SORCS1: variants seen among roughly 807,000 people sequenced by gnomAD.
The protein encoded by SORCS1 is sortilin related VPS10 domain containing receptor 1, also known as VPS10 domain-containing receptor SorCS1.
In SORCS1, 60 loss-of-function variants were observed where a neutral mutation model predicts 146.1. That is an observed-to-expected ratio of 0.41 (90% CI 0.33 to 0.51). The LOEUF (loss-of-function observed/expected upper bound fraction) is 0.51. Among genes scored for constraint, SORCS1 ranks in the 20% least tolerant of loss-of-function variants. The probability of loss-of-function intolerance (pLI) is 0.21; values close to 1 mark genes in which losing one functional copy is unlikely to be tolerated. For synonymous variants in SORCS1, 637 were observed against 584.0 expected, an observed-to-expected ratio of 1.09 and a Z score of -1.31; for missense variants, 1,352 against 1,487.6, an observed-to-expected ratio of 0.91 and a Z score of 1.50.
At chr10:107,143,126 C>A (rs955717979) in intron 1 of SORCS1, among the ~76,000 whole-genome samples, 9 of 152,172 alleles carry the variant, frequency 5.9e-5, no homozygotes, top group African/African-American at 2.2e-4. Flanking sequence ...CATCGGTATC[C>A]ATGGTCAGGC....
At chr10:107,013,178 G>A (rs919554660) in intron 1 of SORCS1, among the ~76,000 whole-genome samples, 2 of 152,158 alleles carry the variant, frequency 1.3e-5, no homozygotes, top group African/African-American at 4.8e-5. Flanking sequence ...CTTTTGGCAG[G>A]CTCCCTTCAC....
intron 1 of SORCS1, among the ~76,000 whole-genome samples, chr10:107,095,260 A>G (rs1018998053): frequency 6.6e-6 from 1 of 152,250 alleles, no homozygotes; most frequent in Non-Finnish European, 1.5e-5. Flanking sequence ...AACACAGACA[A>G]GGAAACAGAA....
At chr10:106,926,068 A>G (rs1484089168) in intron 2 of SORCS1, among the ~76,000 whole-genome samples, 1 of 152,264 alleles carries the variant, frequency 6.6e-6, no homozygotes, top group African/African-American at 2.4e-5. Context: ...TATATCAAAT[A>G]TTATCCATCA....
intron 14 of SORCS1, among the ~76,000 whole-genome samples, 199 bp from the exon 15 acceptor site, chr10:106,673,184 C>T (rs560314265): frequency 6.1e-5 from 9 of 148,616 alleles, no homozygotes; most frequent in South Asian, 2.1e-4. Flanking sequence ...CAGGCTGGAG[C>T]GCAGTGGTGC....
intron 2 of SORCS1, among the ~76,000 whole-genome samples, chr10:106,916,980 T>A (rs1952475327): frequency 6.6e-6 from 1 of 152,164 alleles, no homozygotes; most frequent in Non-Finnish European, 1.5e-5. Context: ...TGACCTCAGA[T>A]AATCTGCCCG....
At chr10:106,844,120 G>C (rs1949197465) in intron 2 of SORCS1, among the ~76,000 whole-genome samples, 1 of 152,160 alleles carries the variant, frequency 6.6e-6, no homozygotes, top group Admixed American at 6.5e-5. Flanking sequence ...GTTTTAACTT[G>C]CATTTCCCTG....
At chr10:106,999,730 A>T (rs1957141175) in intron 1 of SORCS1, among the ~76,000 whole-genome samples, 1 of 152,214 alleles carries the variant, frequency 6.6e-6, no homozygotes, top group Non-Finnish European at 1.5e-5. Context: ...CCTCCAGATT[A>T]TACCTCCTTA....
chr10:106,760,442 CAAA>C (rs34324078), intron 5 of SORCS1, among the ~76,000 whole-genome samples: 74 of 45,794 alleles, frequency 1.6e-3, no homozygotes, highest in South Asian at 3.2e-3. Context: ...GACTCCGTCT[CAAA>C]AAAAAAAAAA....
At chr10:106,928,462 C>T (rs1473471990) in intron 2 of SORCS1, among the ~76,000 whole-genome samples, 3 of 152,356 alleles carry the variant, frequency 2.0e-5, no homozygotes, top group Non-Finnish European at 2.9e-5. Context: ...CCCCGGTTTC[C>T]GCTCACGCCT....
In SORCS1 at chr10:106,800,598, T is replaced by C. The variant is rs543158012; in HGVS notation, c.727-23906A>G. On this transcript the variant is annotated intron_variant, in intron 3 of 25. Transcript: ENST00000263054. ...GTGTAGTGGCGCGATCTCGGCTCAC[T>C]GCAAGCTCCACCTCCCGGGTTCATG... 1.9e-4 allele frequency among the ~76,000 whole-genome samples: 28 copies of C among 148,258 alleles called. No homozygotes were observed. The South Asian group carries it at 2.6e-3, about 14-fold the overall frequency.
intron 3 of SORCS1, among the ~76,000 whole-genome samples, chr10:106,812,040 G>A (rs1395063275): frequency 6.6e-6 from 1 of 152,022 alleles, no homozygotes; most frequent in East Asian, 1.9e-4. Flanking sequence ...TAGCTCTGTC[G>A]CCCAGGCTGG....
intron 1 of SORCS1, among the ~76,000 whole-genome samples, chr10:107,067,299 T>A (rs1319987800): frequency 5.4e-5 from 2 of 37,094 alleles, no homozygotes; most frequent in African/African-American, 4.7e-4. Context: ...AACTTAACTT[T>A]TTTTTTTTTT....
intron 2 of SORCS1, among the ~76,000 whole-genome samples, chr10:106,940,876 C>A (rs138373921): frequency 3.3e-5 from 5 of 152,230 alleles, no homozygotes; most frequent in Admixed American, 3.3e-4. Flanking sequence ...AAGAACAAAA[C>A]TCCATCTCAA....
At chr10:106,759,669 GT>G (rs1858926262) in intron 5 of SORCS1, among the ~76,000 whole-genome samples, 1 of 152,148 alleles carries the variant, frequency 6.6e-6, no homozygotes, top group Admixed American at 6.5e-5. Flanking sequence ...GCCACCTCTA[GT>G]TTAATTAGGG....
In SORCS1 at chr10:106,612,402, C is replaced by T. The variant is rs1230763224; in HGVS notation, c.2921-379G>A. Among the ~76,000 whole-genome samples, 214 of 144,058 alleles carry T rather than the reference C, an allele frequency of 1.5e-3. 1 individual carries two copies. The highest frequency in any genetic ancestry group is 2.3e-3 in the Non-Finnish European group (150 of 65,830). 94.5% of individuals were successfully genotyped at this position (144,058 alleles called of 152,430 possible). ...CCCCCTTTTCTCCCCCTCCCGCCCC[C>T]ACCCCCGCAGCGTGACCGATACCAT... is the stretch of plus-strand genomic sequence containing the variant. On this transcript the variant is annotated intron_variant, in intron 21 of 25. Coordinates refer to ENST00000263054, the MANE Select transcript of SORCS1 (RefSeq NM_052918.5).
intron 1 of SORCS1, among the ~76,000 whole-genome samples, chr10:107,130,720 T>C (rs986645635): frequency 3.9e-5 from 6 of 152,102 alleles, no homozygotes; most frequent in African/African-American, 1.4e-4. Flanking sequence ...CCAGAGCTCC[T>C]TCCTCGCAGA....
intron 3 of SORCS1, among the ~76,000 whole-genome samples, chr10:106,779,880 C>T (rs1860759505): frequency 6.6e-6 from 1 of 152,124 alleles, no homozygotes; most frequent in Non-Finnish European, 1.5e-5. Context: ...TAATCACAAC[C>T]TTCAAATTAA....
intron 4 of SORCS1, among the ~76,000 whole-genome samples, chr10:106,762,492 A>G (rs1859207663): frequency 7.3e-6 from 1 of 137,444 alleles, no homozygotes; most frequent in African/African-American, 2.8e-5. Context: ...TCCCGGGTTC[A>G]CGCCATTCTA....
intron 2 of SORCS1, among the ~76,000 whole-genome samples, chr10:106,891,670 T>G (rs1309215157): frequency 6.6e-6 from 1 of 152,032 alleles, no homozygotes; most frequent in Non-Finnish European, 1.5e-5. Flanking sequence ...CTGCCAGGGA[T>G]CTTCTTTAAA....
Sources: gnomAD v4.1 joint callset for allele counts (sites outside exome capture counted in the v4.1 genomes callset) on GRCh38, gnomAD v4.1.1 for gene constraint, MANE v1.5 for transcripts, NCBI Gene and HGNC (gene_info 2026-07-23, HGNC 2026-07-21) for gene names.